Variants in PTPRM observed in about 807,000 individuals in gnomAD.
PTPRM encodes the protein receptor-type tyrosine-protein phosphatase mu.
In PTPRM, 47 loss-of-function variants were observed where a neutral mutation model predicts 186.7. The ratio of observed to expected loss-of-function variants is 0.25; its 90% CI spans 0.20 to 0.32. The LOEUF (loss-of-function observed/expected upper bound fraction) is 0.32. Ranked by LOEUF, PTPRM falls within the 10% of genes least tolerant of loss-of-function variation. The probability of loss-of-function intolerance (pLI) is 1.00; values close to 1 mark genes in which losing one functional copy is unlikely to be tolerated. For missense variants in PTPRM, 1,494 were observed against 1,865.0 expected, an observed-to-expected ratio of 0.80 and a Z score of 3.66; for synonymous variants, 668 against 674.9, an observed-to-expected ratio of 0.99 and a Z score of 0.16.
At chr18:7,673,504 C>T (rs1295918938) in intron 1 of PTPRM, among the ~76,000 whole-genome samples, 1 of 151,996 alleles carries the variant, frequency 6.6e-6, no homozygotes, top group South Asian at 2.1e-4. Flanking sequence ...TTGGAAGCCA[C>T]CAAATATAAC....
intron 22 of PTPRM, among the ~76,000 whole-genome samples, chr18:8,333,007 T>C (rs1422561613): frequency 6.6e-6 from 1 of 152,246 alleles, no homozygotes; most frequent in Non-Finnish European, 1.5e-5. Flanking sequence ...AATGCGATTT[T>C]AACAGGCCAG....
chr18:8,043,981 T>TC (rs2086856907), intron 7 of PTPRM, among the ~76,000 whole-genome samples: 2 of 152,180 alleles, frequency 1.3e-5, no homozygotes, highest in Admixed American at 6.5e-5. Flanking sequence ...TTCTGCACCC[T>TC]CTAAGACTGG....
intron 29 of PTPRM, among the ~76,000 whole-genome samples, chr18:8,380,917 A>G (rs1056937434): frequency 5.3e-5 from 8 of 152,210 alleles, no homozygotes; most frequent in Non-Finnish European, 1.0e-4. Flanking sequence ...CAGGGCAGGT[A>G]GAGATTGTCA....
At chr18:7,578,278 C>T (rs540989626) in intron 1 of PTPRM, among the ~76,000 whole-genome samples, 1 of 152,200 alleles carries the variant, frequency 6.6e-6, no homozygotes, top group African/African-American at 2.4e-5. Context: ...ATCCTCCCAC[C>T]TCAGCCTCCT....
At chr18:7,615,764 T>G (rs1272410766) in intron 1 of PTPRM, among the ~76,000 whole-genome samples, 1 of 152,178 alleles carries the variant, frequency 6.6e-6, no homozygotes, top group Non-Finnish European at 1.5e-5. Context: ...CCTTTATTCC[T>G]ATTATTACAT....
chr18:8,071,443 A>G, intron 8 of PTPRM, among the ~76,000 whole-genome samples: 1 of 152,036 alleles, frequency 6.6e-6, no homozygotes, highest in Non-Finnish European at 1.5e-5. Context: ...GCCTTTTTCT[A>G]TTCTAATGTC....
At chr18:7,818,957 G>A (rs533363374) in intron 2 of PTPRM, among the ~76,000 whole-genome samples, 4 of 152,214 alleles carry the variant, frequency 2.6e-5, no homozygotes, top group Non-Finnish European at 4.4e-5. Context: ...TGTGAAAAGT[G>A]TAATTCTTTT....
At chr18:8,289,417 T>C (rs894875326) in intron 19 of PTPRM, among the ~76,000 whole-genome samples, 1 of 112,264 alleles carries the variant, frequency 8.9e-6, no homozygotes, top group African/African-American at 3.6e-5. Context: ...TATATACACA[T>C]ATATACGTAT....
At chr18:7,747,372 G>T (rs77269893) in intron 1 of PTPRM, among the ~76,000 whole-genome samples, 3,946 of 152,280 alleles carry the variant, frequency 0.026, 70 homozygotes, top group Non-Finnish European at 0.037. Context: ...ATGAGCTCCT[G>T]TTTCATATGC....
chr18:8,218,537 A>G (rs1225846327), intron 14 of PTPRM, among the ~76,000 whole-genome samples: 1 of 152,218 alleles, frequency 6.6e-6, no homozygotes, highest in Non-Finnish European at 1.5e-5. Flanking sequence ...ATAACTGTCT[A>G]TTAACTTCTG....
intron 19 of PTPRM, among the ~76,000 whole-genome samples, chr18:8,265,771 A>G (rs1422629152): frequency 6.6e-6 from 1 of 152,252 alleles, no homozygotes; most frequent in African/African-American, 2.4e-5. Flanking sequence ...ACACTGGAAC[A>G]TTGAGGAAAT....
chr18:7,794,070 T>G (rs2043478031), intron 2 of PTPRM, among the ~76,000 whole-genome samples: 1 of 152,150 alleles, frequency 6.6e-6, no homozygotes, highest in African/African-American at 2.4e-5. Context: ...ATCATCTCCC[T>G]TCTGGCTTCC....
At chr18:8,098,426 A>G (rs2091117262) in intron 11 of PTPRM, among the ~76,000 whole-genome samples, 1 of 152,216 alleles carries the variant, frequency 6.6e-6, no homozygotes, top group South Asian at 2.1e-4. Context: ...AGTAATAATT[A>G]TCACCTGAAA....
chr18:8,297,788 G>A (rs549071603), intron 20 of PTPRM, among the ~76,000 whole-genome samples: 33 of 152,232 alleles, frequency 2.2e-4, no homozygotes, highest in South Asian at 1.0e-3. Context: ...CTTTCCCTCC[G>A]GCCATCAAGA....
At chr18:8,048,748 TAGG>T (rs951235487) in intron 7 of PTPRM, among the ~76,000 whole-genome samples, 8 of 152,154 alleles carry the variant, frequency 5.3e-5, no homozygotes, top group African/African-American at 1.4e-4. Flanking sequence ...AATACCAAAA[TAGG>T]AGGCTCTAAA....
intron 1 of PTPRM, among the ~76,000 whole-genome samples, chr18:7,690,302 G>A (rs1198350532): frequency 6.6e-6 from 1 of 152,146 alleles, no homozygotes; most frequent in Non-Finnish European, 1.5e-5. Flanking sequence ...TTAGTTGCTT[G>A]GAATGGTTTT....
chr18:7,604,639 A>G (rs1168562961), intron 1 of PTPRM, among the ~76,000 whole-genome samples: 1 of 152,232 alleles, frequency 6.6e-6, no homozygotes, highest in Admixed American at 6.5e-5. Flanking sequence ...AGGAGGATGC[A>G]AACAGATTTT....
At chr18:7,873,885 CT>C (rs1490960485) in intron 2 of PTPRM, among the ~76,000 whole-genome samples, 28 of 151,924 alleles carry the variant, frequency 1.8e-4, no homozygotes, top group Non-Finnish European at 3.5e-4. Flanking sequence ...ATACATATAC[CT>C]TTTGGCTAGA....
chr18:8,023,017 C>T (rs1022234410), intron 7 of PTPRM, among the ~76,000 whole-genome samples: 1 of 152,024 alleles, frequency 6.6e-6, no homozygotes, highest in African/African-American at 2.4e-5. Flanking sequence ...ATTCAGTCAC[C>T]CGGTGGTTTA....
Sources: allele counts gnomAD v4.1 joint callset (sites outside exome capture counted in the v4.1 genomes callset), GRCh38; gene constraint gnomAD v4.1.1; transcripts MANE v1.5; gene names NCBI Gene and HGNC (gene_info 2026-07-23, HGNC 2026-07-21).